FES: variants seen among roughly 807,000 people sequenced by gnomAD.
The protein encoded by FES is tyrosine-protein kinase Fes/Fps.
A neutral mutation model predicts 109.6 loss-of-function variants in FES; 83 were observed. The observed-to-expected ratio is 0.76, with a 90% CI of 0.63 to 0.91. The LOEUF is 0.91. Among genes scored for constraint, FES ranks in the 40% least tolerant of loss-of-function variants. The pLI is 0.00. For synonymous variants in FES, 458 were observed against 442.1 expected, an observed-to-expected ratio of 1.04 and a Z score of -0.45; for missense variants, 943 against 1,070.9, an observed-to-expected ratio of 0.88 and a Z score of 1.67.
chr15:90,889,412 G>A lies in FES; in HGVS notation c.775G>A (p.Ala259Thr). 1 of 1,614,134 alleles carries A rather than the reference G, an allele frequency of 6.2e-7. No homozygotes were observed. The highest frequency in any genetic ancestry group is 1.7e-5 in the Admixed American group (1 of 60,036). ...AGCTGCTGCCCGCATCCAGCCTGAG[G>A]CTGAGTACCAAGGCTTCCTGCGACA... ...AAAAARIQPE[A>T]EYQGFLRQYG... Residue 259 changes from alanine (A) to threonine (T), a missense_variant, in exon 6 of 19, where the codon GCT (alanine) becomes ACT (threonine). By Grantham distance (58) the Ala-to-Thr change is moderately conservative. Transcript: ENST00000328850. This position sits in a 1 kb window ranked among gnomAD's most constrained non-coding sequence, Gnocchi z 6.1.
chr15:90,894,747 C>T (rs990351229), intron 18 of FES, among the ~76,000 whole-genome samples: 3 of 150,944 alleles, frequency 2.0e-5, no homozygotes, highest in Non-Finnish European at 4.4e-5. Context: ...ACCTGGGTGA[C>T]AGAGAGAGAG....
At position 90,885,154 on chromosome 15, in the gene FES, C is replaced by G. The variant is rs766542786; in HGVS notation, c.109C>G (p.Arg37Gly). The G allele has an allele frequency of 1.9e-6, 3 of 1,613,922 alleles. No individual in the cohort carries two copies. In the East Asian group the frequency reaches 6.7e-5, roughly 36 times the overall value. The change falls in exon 2 of 19, where the codon CGG becomes GGG. Residue 37 changes from arginine to glycine, a missense_variant. Physicochemically the swap from Arg to Gly is moderately radical, Grantham distance 125. Coordinates refer to ENST00000328850, the MANE Select transcript of FES (RefSeq NM_002005.4). ...LEGMRKWMAQ[R>G]VKSDREYAGL... ...GGGCATGAGAAAGTGGATGGCCCAG[C>G]GGGTCAAGAGTGACAGGGAGTATGC...
intron 16 of FES, 106 bp from the exon 17 acceptor site, chr15:90,893,548 G>T: frequency 6.7e-7 from 1 of 1,493,578 alleles, no homozygotes; most frequent in South Asian, 1.4e-5. Context: ...GTAGACAGGG[G>T]TGCCCAGGGC....
chr15:90,885,293 G>A (rs752038903), intron 2 of FES, 35 bp downstream of exon 2: 13 of 1,522,908 alleles, frequency 8.5e-6, no homozygotes, highest in African/African-American at 2.0e-5. Flanking sequence ...GGTGCTGGCT[G>A]TATCTGCCTT....
rs780618025 is a variant in FES at position 90,893,363 on chromosome 15, G to T, written c.1994G>T (p.Gly665Val). The T allele has an allele frequency of 1.9e-6, 3 of 1,564,544 alleles. No individual in the cohort carries two copies. The East Asian group carries it at 6.7e-5, about 35-fold the overall frequency. The stretch of plus-strand genomic sequence containing the variant: ...GTGAAGACTCTGCTGCAGATGGTGG[G>T]GGATGCAGCTGCTGGCATGGAGTAC... ...LRVKTLLQMV[G>V]DAAAGMEYLE... Residue 665 changes from glycine (G) to valine (V), a missense_variant, in exon 16 of 19, where the codon GGG (glycine) becomes GTG (valine). Coordinates refer to ENST00000328850, the MANE Select transcript of FES (RefSeq NM_002005.4).
At position 90,885,466 on chromosome 15, in the gene FES, C is replaced by T; in HGVS notation, c.268C>T (p.His90Tyr). 1.9e-6 allele frequency: 3 copies of T among 1,613,372 alleles called. No homozygotes were observed. The highest frequency in any genetic ancestry group is 1.7e-6 in the Non-Finnish European group (2 of 1,180,018). Residue 90 changes from histidine (H) to tyrosine (Y), a missense_variant, in exon 3 of 19, where the codon CAC becomes TAC. Coordinates refer to ENST00000328850, the MANE Select transcript of FES (RefSeq NM_002005.4). ...TEGLSRLLRQ[H>Y]AEDLNSGPLS... ...GGGCCTGAGCCGCTTGCTGCGGCAG[C>T]ACGCAGAGGATCTGAACTCAGGGCC...
chr15:90,894,593 A>C (rs948740680), intron 18 of FES, among the ~76,000 whole-genome samples: 1 of 152,058 alleles, frequency 6.6e-6, no homozygotes, highest in Admixed American at 6.6e-5. Flanking sequence ...CTCAAAAAAA[A>C]CCAAAAAACA....
Position 90,887,306 on chromosome 15 carries a change from C to G in FES, c.604C>G (p.Gln202Glu), listed in dbSNP as rs769777721. 19 of 1,613,098 alleles carry G rather than the reference C, an allele frequency of 1.2e-5. No individual in the cohort carries two copies. Among genetic ancestry groups the G allele is most frequent in the Middle Eastern group, 1.6e-4 (1 of 6,084 alleles). Residue 202 changes from glutamine to glutamate, a missense_variant, in exon 5 of 19, where the codon CAG (glutamine) becomes GAG (glutamate). Gln to Glu is a conservative substitution (Grantham distance 29). Transcript: ENST00000328850. ...GCAGCTACACCACCAGCACCACCAC[C>G]AGCTCCTGCTGCCCGGCCTGCTGCG... Reference protein sequence around the residue: ...AAQLHHQHHHQLLLPGLLRSL... With the variant: ...AAQLHHQHHHELLLPGLLRSL...
chr15:90,895,582 G>A lies in FES; in HGVS notation c.*24G>A, dbSNP rs1443484597. On this transcript the variant is annotated 3_prime_UTR_variant, in exon 19 of 19. Coordinates refer to ENST00000328850, the MANE Select transcript of FES (RefSeq NM_002005.4). ...GAGGCTGGGACCCCCTTCTCAAGCT[G>A]GTGGCCTCTGCAGGCCTAGGTGCAG... 3.9e-6 allele frequency: 6 copies of A among 1,529,514 alleles called. No individual in the cohort carries two copies. The highest frequency in any genetic ancestry group is 4.4e-6 in the Non-Finnish European group (5 of 1,133,812). 94.7% of individuals were successfully genotyped at this position (1,529,514 alleles called of 1,614,324 possible). A position where few individuals can be genotyped will look rare whatever the true frequency, so the allele number is the denominator to read the frequency against.
intron 10 of FES, 70 bp from the exon 11 acceptor site, chr15:90,890,912 C>A: frequency 2.8e-6 from 4 of 1,443,346 alleles, no homozygotes; most frequent in Non-Finnish European, 3.7e-6. Context: ...GAGAGAGAGA[C>A]CCCCGGCTGC....
Position 90,887,052 on chromosome 15 carries a change from G to A in FES, c.479G>A (p.Ser160Asn), listed in dbSNP as rs761499946. Residue 160 changes from serine (S) to asparagine (N), a missense_variant, in exon 4 of 19, where the codon AGC becomes AAC. Coordinates refer to ENST00000328850, the MANE Select transcript of FES (RefSeq NM_002005.4). ...GCCAAGCGCAAGTACCAGGAGGCCAGCAAAGGTTCGTGGCTTCCCTTGCTG... is the reference window on the plus strand; with the variant it reads ...GCCAAGCGCAAGTACCAGGAGGCCAACAAAGGTTCGTGGCTTCCCTTGCTG... ...AQAKRKYQEA[S>N]KDKDRDKAKD... is the part of the protein sequence containing the mutation. 2.5e-6 allele frequency: 4 copies of A among 1,614,088 alleles called. No individual in the cohort carries two copies. The South Asian group carries it at 3.3e-5, about 13-fold the overall frequency.
In FES at chr15:90,892,033, A is replaced by T. The variant is rs367909018; in HGVS notation, c.1654-25A>T. 7.4e-6 allele frequency: 12 copies of T among 1,613,914 alleles called. No individual in the cohort carries two copies. The African/African-American group carries it at 1.3e-4, about 18-fold the overall frequency. On this transcript the variant is annotated intron_variant, in intron 12 of 18. Transcript: ENST00000328850. The stretch of plus-strand genomic sequence containing the variant: ...AGCACCCCTTTTCTTCAGACTTCTG[A>T]TCCCCTGTCTCCTCTCTTCCCCAGG...
Position 90,893,722 on chromosome 15 carries a change from C to T in FES, c.2114C>T (p.Ser705Phe). The change falls in exon 17 of 19, where the codon TCC becomes TTC. Residue 705 changes from serine to phenylalanine, a missense_variant. Transcript: ENST00000328850. ...NVLKISDFGM[S>F]REEADGVYAA... ...CTGAAGATCAGTGACTTTGGGATGT[C>T]CCGAGAGGAAGCCGATGGGGTCTAT... The T allele has an allele frequency of 6.2e-7, 1 of 1,612,018 alleles. No individual in the cohort carries two copies. Among genetic ancestry groups the T allele is most frequent in the Non-Finnish European group, 8.5e-7 (1 of 1,179,306 alleles).
chr15:90,895,602 G>A lies in FES; in HGVS notation c.*44G>A. 6.7e-7 allele frequency: 1 copy of A among 1,482,198 alleles called. No individual in the cohort carries two copies. 91.8% of individuals were successfully genotyped at this position (1,482,198 alleles called of 1,614,324 possible). A position where few individuals can be genotyped will look rare whatever the true frequency, so the allele number is the denominator to read the frequency against. On this transcript the variant is annotated 3_prime_UTR_variant, in exon 19 of 19. Transcript: ENST00000328850. The stretch of plus-strand genomic sequence containing the variant: ...AAGCTGGTGGCCTCTGCAGGCCTAG[G>A]TGCAGCTCCTCAGCGGCTCCAGCTC...
intron 13 of FES, chr15:90,892,337 C>A: frequency 3.3e-6 from 2 of 604,826 alleles, no homozygotes; most frequent in East Asian, 5.5e-5. Flanking sequence ...TCATCACCCC[C>A]ACCCAGGCCG....
At chr15:90,893,250 C>T in intron 15 of FES, 41 bp from the exon 16 acceptor site, 1 of 1,613,052 alleles carries the variant, frequency 6.2e-7, no homozygotes, top group African/African-American at 1.3e-5. Context: ...AGGTGGCAGC[C>T]TTACCTCAGG....
At position 90,890,485 on chromosome 15, in the gene FES, G is replaced by GTGAGTGGC; in HGVS notation, c.1320+2_1320+9dup. On this transcript the variant is annotated splice_donor_variant, in intron 10 of 18. Transcript: ENST00000328850. LOFTEE classifies it high-confidence loss of function. Reference sequence around the variant, plus strand: ...AGGAATCTTCCGCCCCAAGTTCTCGGTGAGTGGCGCCCAGCCTGGGCCCCC... The same window carrying GTGAGTGGC: ...AGGAATCTTCCGCCCCAAGTTCTCGGTGAGTGGCTGAGTGGCGCCCAGCCTGGGCCCCC... 6.2e-7 allele frequency: 1 copy of GTGAGTGGC among 1,612,402 alleles called. No individual in the cohort carries two copies. The highest frequency in any genetic ancestry group is 8.5e-7 in the Non-Finnish European group (1 of 1,179,558).
intron 5 of FES, among the ~76,000 whole-genome samples, chr15:90,888,486 C>T (rs2032875196): frequency 6.6e-6 from 1 of 152,216 alleles, no homozygotes; most frequent in Admixed American, 6.5e-5. Context: ...AGCTGGGAGG[C>T]CAGAGAGCAG....
At chr15:90,891,230 C>T (rs932238304) in intron 11 of FES, 39 bp downstream of exon 11, 1 of 1,537,602 alleles carries the variant, frequency 6.5e-7, no homozygotes, top group Admixed American at 2.0e-5. Context: ...AGGCCTCACT[C>T]TTCCCCTCCC....
Sources: allele counts gnomAD v4.1 joint callset (sites outside exome capture counted in the v4.1 genomes callset), GRCh38; gene constraint gnomAD v4.1.1; non-coding constraint Gnocchi (gnomAD v3.1); transcripts MANE v1.5; gene names NCBI Gene and HGNC (gene_info 2026-07-23, HGNC 2026-07-21).